PSTPIP1: variants seen among roughly 807,000 people sequenced by gnomAD.
The protein encoded by PSTPIP1 is proline-serine-threonine phosphatase-interacting protein 1.
Under a neutral mutation model 69.6 loss-of-function variants are expected in PSTPIP1, and 66 were observed. That is an observed-to-expected ratio of 0.95 (90% CI 0.78 to 1.16). PSTPIP1 has a LOEUF of 1.16. PSTPIP1 is among the 50% of genes most tolerant of loss of function. PSTPIP1 has a pLI of 0.00. For synonymous variants in PSTPIP1, 266 were observed against 222.7 expected (o/e 1.19, Z -1.73); for missense variants, 603 against 557.4 (o/e 1.08, Z -0.82).
intron 1 of PSTPIP1, among the ~76,000 whole-genome samples, chr15:77,008,357 A>T (rs1290986181): frequency 2.0e-5 from 3 of 152,126 alleles, no homozygotes; most frequent in African/African-American, 7.2e-5. Context: ...CCGTCCTCAG[A>T]TAACTCCCAG....
At chr15:77,029,112 TG>T (rs2076354867) in intron 7 of PSTPIP1, among the ~76,000 whole-genome samples, 2 of 151,796 alleles carry the variant, frequency 1.3e-5, no homozygotes, top group African/African-American at 4.8e-5. Context: ...TAGGCCAGAG[TG>T]GGGGTATCAG....
At chr15:77,024,197 G>C (rs960282360) in intron 3 of PSTPIP1, 1 of 152,240 alleles carries the variant, frequency 6.6e-6, no homozygotes, top group African/African-American at 2.4e-5. Flanking sequence ...AGGAGCCTGA[G>C]AATCTGTATT....
intron 3 of PSTPIP1, among the ~76,000 whole-genome samples, 173 bp downstream of exon 3, chr15:77,018,704 A>G (rs2076102446): frequency 6.6e-6 from 1 of 152,078 alleles, no homozygotes; most frequent in Non-Finnish European, 1.5e-5. Context: ...AGGTTCTGTG[A>G]GGGAGGAAGC....
At chr15:77,008,680 G>T (rs1395072920) in intron 1 of PSTPIP1, among the ~76,000 whole-genome samples, 1 of 152,220 alleles carries the variant, frequency 6.6e-6, no homozygotes, top group Admixed American at 6.5e-5. Flanking sequence ...AAAGTGCTGG[G>T]ATTACAGGCG....
At chr15:77,036,649 G>GA (rs772968186) in intron 14 of PSTPIP1, among the ~76,000 whole-genome samples, 9 of 152,134 alleles carry the variant, frequency 5.9e-5, no homozygotes, top group Non-Finnish European at 1.2e-4. Context: ...GCCAGGCCAG[G>GA]AGAGTGATGG....
At chr15:77,036,070 G>A (rs1270653893) in intron 14 of PSTPIP1, 135 bp downstream of exon 14, 2 of 1,238,554 alleles carry the variant, frequency 1.6e-6, no homozygotes, top group South Asian at 3.2e-5. Flanking sequence ...CTCCTCAGGA[G>A]GGCACGTGTG....
intron 1 of PSTPIP1, among the ~76,000 whole-genome samples, chr15:77,015,075 C>T (rs898678064): frequency 8.5e-5 from 13 of 152,348 alleles, no homozygotes; most frequent in African/African-American, 2.9e-4. Flanking sequence ...GAGCCGCACT[C>T]CTCTGACCCA....
At chr15:77,028,294 A>G in intron 6 of PSTPIP1, 1 of 501,284 alleles carries the variant, frequency 2.0e-6, no homozygotes, top group African/African-American at 2.0e-5. Flanking sequence ...CCCTCGCCGA[A>G]GAGCACAGCC....
At chr15:77,028,473 G>C in intron 6 of PSTPIP1, 81 bp from the exon 7 acceptor site, 1 of 1,232,930 alleles carries the variant, frequency 8.1e-7, no homozygotes, top group Non-Finnish European at 1.1e-6. Flanking sequence ...AAAAAGGGAG[G>C]CTGGGCTAAG....
chr15:77,013,347 G>T (rs1036058239), intron 1 of PSTPIP1, among the ~76,000 whole-genome samples: 2 of 152,150 alleles, frequency 1.3e-5, no homozygotes, highest in African/African-American at 4.8e-5. Context: ...AACAGGGTCA[G>T]TTTCCTCCCT....
In PSTPIP1 at chr15:77,011,299, C is replaced by T. The variant is rs139372275; in HGVS notation, c.37-6849C>T. 3.1e-4 allele frequency among the ~76,000 whole-genome samples: 47 copies of T among 152,334 alleles called. 1 individual carries two copies. The East Asian group carries it at 5.4e-3, about 17-fold the overall frequency. Reference sequence around the variant, plus strand: ...GCCTGTGTTGTCCCTTCAGTGGGACCCCTGGGAGTCCCTGGAAGCTCACAG... The same window carrying T: ...GCCTGTGTTGTCCCTTCAGTGGGACTCCTGGGAGTCCCTGGAAGCTCACAG... On this transcript the variant is annotated intron_variant, in intron 1 of 14. Coordinates refer to ENST00000558012, the MANE Select transcript of PSTPIP1 (RefSeq NM_003978.5).
chr15:77,003,663 A>C (rs1207972335), intron 1 of PSTPIP1, among the ~76,000 whole-genome samples: 1 of 152,010 alleles, frequency 6.6e-6, no homozygotes, highest in Non-Finnish European at 1.5e-5. Context: ...CTCAAAAAAA[A>C]AAAAAGAAGA....
intron 3 of PSTPIP1, among the ~76,000 whole-genome samples, chr15:77,020,014 G>A (rs1350937876): frequency 6.6e-6 from 1 of 152,166 alleles, no homozygotes; most frequent in Admixed American, 6.5e-5. Context: ...GGTGGAGAGG[G>A]TGGCCCCAGC....
In PSTPIP1 at chr15:77,028,675, G is replaced by A. The variant is rs1006497997; in HGVS notation, c.516+23G>A. 6.5e-6 allele frequency: 10 copies of A among 1,529,372 alleles called. No homozygotes were observed. In the Admixed American group the frequency reaches 2.0e-4, roughly 30 times the overall value. 94.7% of individuals were successfully genotyped at this position (1,529,372 alleles called of 1,614,324 possible). A position where few individuals can be genotyped will look rare whatever the true frequency, so the allele number is the denominator to read the frequency against. ...AAGGTGCGCTGGGCTGCTGGGCCGTGTGGGTCGCCCAGGGCTGGGGGCAGT... is the reference window on the plus strand; with the variant it reads ...AAGGTGCGCTGGGCTGCTGGGCCGTATGGGTCGCCCAGGGCTGGGGGCAGT... On this transcript the variant is annotated intron_variant, in intron 7 of 14. Coordinates refer to ENST00000558012, the MANE Select transcript of PSTPIP1 (RefSeq NM_003978.5).
intron 3 of PSTPIP1, among the ~76,000 whole-genome samples, chr15:77,021,690 T>C (rs8029854): frequency 0.74 from 112,039 of 152,050 alleles, 42,624 homozygotes; most frequent in Middle Eastern, 0.88. Context: ...AAAAAAAAGA[T>C]AGTGTTAGTA....
chr15:77,005,782 T>A (rs2075803698), intron 1 of PSTPIP1, among the ~76,000 whole-genome samples: 1 of 152,244 alleles, frequency 6.6e-6, no homozygotes, highest in Non-Finnish European at 1.5e-5. Flanking sequence ...TAGCATAATG[T>A]CTTCAAGGCT....
chr15:77,026,260 A>C, intron 5 of PSTPIP1: 1 of 453,340 alleles, frequency 2.2e-6, no homozygotes, highest in Non-Finnish European at 4.4e-6. Context: ...GGCAGGACGC[A>C]GACTGGCCTG....
At chr15:77,030,419 AG>A in intron 8 of PSTPIP1, 82 bp from the exon 9 acceptor site, 1 of 1,401,342 alleles carries the variant, frequency 7.1e-7, no homozygotes, top group Non-Finnish European at 9.9e-7. Flanking sequence ...CAGTGGGAGG[AG>A]GCATCCAGGA....
chr15:77,033,039 C>A, intron 12 of PSTPIP1, 87 bp downstream of exon 12: 2 of 1,272,794 alleles, frequency 1.6e-6, no homozygotes, highest in Admixed American at 4.0e-5. Flanking sequence ...CTTCCTCGTT[C>A]ACTGAGCACC....
Sources: gnomAD v4.1 joint callset for allele counts (sites outside exome capture counted in the v4.1 genomes callset) on GRCh38, gnomAD v4.1.1 for gene constraint, MANE v1.5 for transcripts, NCBI Gene and HGNC (gene_info 2026-07-23, HGNC 2026-07-21) for gene names.